The following RYR3 variants were observed in gnomAD, a reference collection of about 807,000 sequenced individuals.
The protein encoded by RYR3 is ryanodine receptor 3.
In RYR3, 207 loss-of-function variants were observed where a neutral mutation model predicts 584.3. The observed-to-expected ratio is 0.35, with a 90% CI of 0.32 to 0.40. The LOEUF (loss-of-function observed/expected upper bound fraction) is 0.40, where lower values mean the gene tolerates loss of function less well. Among genes scored for constraint, RYR3 ranks in the 10% least tolerant of loss-of-function variants. RYR3 has a pLI of 1.00. For missense variants in RYR3, 5,616 were observed against 6,089.2 expected (o/e 0.92, Z 2.59); for synonymous variants, 2,416 against 2,248.5 (o/e 1.07, Z -2.11).
chr15:33,780,290 C>T lies in RYR3; in HGVS notation c.9217C>T (p.Arg3073Cys), dbSNP rs368231214. Residue 3073 changes from arginine to cysteine, a missense_variant, in exon 65 of 104, where the codon CGC becomes TGC. Transcript: ENST00000634891. ...PVAFLEPTLN[R>C]YNPLSVFNTK... ...GGCATTCCTGGAGCCCACCCTTAATCGCTACAATCCACTCTCGGTCTTCAA... is the reference window on the plus strand; with the variant it reads ...GGCATTCCTGGAGCCCACCCTTAATTGCTACAATCCACTCTCGGTCTTCAA... 58 of 1,613,792 alleles carry T rather than the reference C, an allele frequency of 3.6e-5. No homozygotes were observed. The highest frequency in any genetic ancestry group is 3.3e-4 in the Middle Eastern group (2 of 6,084).
At chr15:33,485,999 G>C (rs16971602) in intron 2 of RYR3, among the ~76,000 whole-genome samples, 1 of 151,868 alleles carries the variant, frequency 6.6e-6, no homozygotes, top group Non-Finnish European at 1.5e-5. Flanking sequence ...TACATGGTTA[G>C]ACAGTGGCCT....
rs201221837 is a variant in RYR3 at position 33,857,870 on chromosome 15, G to T, written c.14098G>T (p.Glu4700Ter). The change falls in exon 99 of 104, where the codon GAA becomes TAA. Residue 4700 changes from glutamate (E) to a stop codon, truncating the protein, a stop_gained. Coordinates refer to ENST00000634891, the MANE Select transcript of RYR3 (RefSeq NM_001036.6). LOFTEE classifies it high-confidence loss of function. Reference sequence around the variant, plus strand: ...CTTCCGCAAGTTCTACAACAAAAGCGAAGACGATGACGAGCCCGATATGAA... The same window carrying T: ...CTTCCGCAAGTTCTACAACAAAAGCTAAGACGATGACGAGCCCGATATGAA... ...NFFRKFYNKSEDDDEPDMKCD... is the reference protein window; with the variant it reads ...NFFRKFYNKS The T allele has an allele frequency of 6.2e-7, 1 of 1,614,202 alleles. No homozygotes were observed. Among genetic ancestry groups the T allele is most frequent in the Non-Finnish European group, 8.5e-7 (1 of 1,180,032 alleles).
chr15:33,570,063 G>A (rs1247174700), intron 12 of RYR3, among the ~76,000 whole-genome samples: 1 of 151,834 alleles, frequency 6.6e-6, no homozygotes, highest in Non-Finnish European at 1.5e-5. Context: ...GTCTTTTGAA[G>A]CACAAACGTT....
At chr15:33,483,331 T>C (rs2050140967) in intron 2 of RYR3, among the ~76,000 whole-genome samples, 1 of 152,224 alleles carries the variant, frequency 6.6e-6, no homozygotes, top group Non-Finnish European at 1.5e-5. Flanking sequence ...CTCTTGGTTA[T>C]AAGTCACATT....
rs771772947 is a variant in RYR3, at chr15:33,662,213, G to T, written c.4683G>T (p.Thr1561=). The T allele has an allele frequency of 3.7e-6, 6 of 1,608,100 alleles. No individual in the cohort carries two copies. The highest frequency in any genetic ancestry group is 5.1e-6 in the Non-Finnish European group (6 of 1,177,856). Residue 1561 remains threonine, a synonymous_variant, in exon 35 of 104, where the codon ACG becomes ACT. Transcript: ENST00000634891. ...QEDLMRFHYH[T]LRLYSAVCAL... ...ACCTGATGCGGTTCCATTACCACAC[G>T]CTGAGGCTCTACAGCGCGGTGTGCG... is the stretch of plus-strand genomic sequence containing the variant.
rs1181162494 is a variant in RYR3 at position 33,412,827 on chromosome 15, T to G, written c.52-60592T>G. 6.6e-6 allele frequency among the ~76,000 whole-genome samples: 1 copy of G among 152,176 alleles called. No homozygotes were observed. The highest frequency in any genetic ancestry group is 2.4e-5 in the African/African-American group (1 of 41,438). On this transcript the variant is annotated intron_variant, in intron 1 of 103. Coordinates refer to ENST00000634891, the MANE Select transcript of RYR3 (RefSeq NM_001036.6). The surrounding 1 kb of genome is among the most constrained non-coding windows in gnomAD (Gnocchi z 4.3). ...CTTGTTAAATGGAGAAAACCAAGTT[T>G]GTATGCATTTGTGTCATGCAAAGGA...
At chr15:33,458,762 A>C (rs1166391902) in intron 1 of RYR3, among the ~76,000 whole-genome samples, 1 of 152,204 alleles carries the variant, frequency 6.6e-6, no homozygotes, top group African/African-American at 2.4e-5. Flanking sequence ...AGAAAAAAGA[A>C]ACCAGGCTCT....
Position 33,586,076 on chromosome 15 carries a change from C to T in RYR3, c.1748C>T (p.Ser583Leu), listed in dbSNP as rs766442679. The change falls in exon 16 of 104, where the codon TCG becomes TTG. Residue 583 changes from serine (S) to leucine (L), a missense_variant. By Grantham distance (145) the Ser-to-Leu change is moderately radical. This residue lies in a region of RYR3 where 1,284 missense variants were observed against 1,344.6 expected (regional missense o/e 0.95). Coordinates refer to ENST00000634891, the MANE Select transcript of RYR3 (RefSeq NM_001036.6). ...LNLIAEGHIK[S>L]IISLLDKHGR... is the part of the protein sequence containing the mutation. Reference sequence around the variant, plus strand: ...CTGATAGCGGAGGGCCACATCAAGTCGATCATCTCCCTGTTGGATAAGCAC... The same window carrying T: ...CTGATAGCGGAGGGCCACATCAAGTTGATCATCTCCCTGTTGGATAAGCAC... 18 of 1,613,056 alleles carry T rather than the reference C, an allele frequency of 1.1e-5. No individual in the cohort carries two copies. The highest frequency in any genetic ancestry group is 5.0e-5 in the Admixed American group (3 of 59,990).
chr15:33,578,696 G>A (rs999604192), intron 12 of RYR3, among the ~76,000 whole-genome samples: 5 of 151,472 alleles, frequency 3.3e-5, no homozygotes, highest in African/African-American at 4.9e-5. Flanking sequence ...GTTAGGTGCA[G>A]CAAACCACCG....
rs1199333159 is a variant in RYR3 at position 33,680,100 on chromosome 15, G to GT, written c.5860+9547dup. 6.6e-5 allele frequency among the ~76,000 whole-genome samples: 10 copies of GT among 152,230 alleles called. 1 individual carries two copies. The highest frequency in any genetic ancestry group is 2.4e-4 in the African/African-American group (10 of 41,538). On this transcript the variant is annotated intron_variant, in intron 38 of 103. Transcript: ENST00000634891. ...ACTTCCTTAACCTCTGTATATTTCAGTTTCTCTATATGAAAAATGAGAATA... is the reference window on the plus strand; with the variant it reads ...ACTTCCTTAACCTCTGTATATTTCAGTTTTCTCTATATGAAAAATGAGAATA...
At chr15:33,578,484 A>T (rs1001438889) in intron 12 of RYR3, among the ~76,000 whole-genome samples, 1 of 152,180 alleles carries the variant, frequency 6.6e-6, no homozygotes, top group African/African-American at 2.4e-5. Context: ...GGAAGCGATT[A>T]TCCTCAGCAA....
intron 3 of RYR3, among the ~76,000 whole-genome samples, chr15:33,527,695 G>C (rs754907584): frequency 9.8e-5 from 15 of 152,302 alleles, no homozygotes; most frequent in Middle Eastern, 3.4e-3. Flanking sequence ...AGAGGCCACA[G>C]TGAGGACTTT....
intron 2 of RYR3, among the ~76,000 whole-genome samples, chr15:33,491,414 A>AAGT (rs1328800943): frequency 6.6e-6 from 1 of 152,258 alleles, no homozygotes; most frequent in African/African-American, 2.4e-5. Flanking sequence ...ACAGGAAAGC[A>AAGT]AGTGGCTAAT....
At chr15:33,455,761 A>AG (rs1555482991) in intron 1 of RYR3, among the ~76,000 whole-genome samples, 1 of 152,184 alleles carries the variant, frequency 6.6e-6, no homozygotes, top group African/African-American at 2.4e-5. Context: ...GGAAGAAAAA[A>AG]GTATTAGATA....
intron 8 of RYR3, among the ~76,000 whole-genome samples, chr15:33,544,006 A>T (rs944904117): frequency 3.3e-5 from 5 of 152,136 alleles, no homozygotes; most frequent in Non-Finnish European, 4.4e-5. Flanking sequence ...TCAAAGACAG[A>T]TCATCTCTAT....
Position 33,646,432 on chromosome 15 carries a change from G to A in RYR3, c.3847G>A (p.Ala1283Thr), listed in dbSNP as rs2062106875. 1.2e-6 allele frequency: 2 copies of A among 1,613,962 alleles called. No individual in the cohort carries two copies. Among genetic ancestry groups the A allele is most frequent in the Non-Finnish European group, 1.7e-6 (2 of 1,179,868 alleles). Residue 1283 changes from alanine (A) to threonine (T), a missense_variant, in exon 29 of 104, where the codon GCC (alanine) becomes ACC (threonine). By Grantham distance (58) the Ala-to-Thr change is moderately conservative (BLOSUM62 0). Transcript: ENST00000634891. ...GACATTTGGCACACAGAATAGCAAT[G>A]CCGACATGATCTATTGCCGCTTGAG... ...HKTFGTQNSN[A>T]DMIYCRLSMP...
At chr15:33,620,798 G>T (rs1286088836) in intron 19 of RYR3, among the ~76,000 whole-genome samples, 1 of 152,208 alleles carries the variant, frequency 6.6e-6, no homozygotes, top group Non-Finnish European at 1.5e-5. Flanking sequence ...AGGAGCCACA[G>T]GTGGTGGGTG....
chr15:33,853,494 A>G, intron 95 of RYR3, 61 bp from the exon 96 acceptor site: 2 of 1,585,122 alleles, frequency 1.3e-6, no homozygotes, highest in Non-Finnish European at 8.6e-7. Flanking sequence ...AAGACCCCAG[A>G]GCTAGAAAAT....
intron 36 of RYR3, among the ~76,000 whole-genome samples, chr15:33,667,593 A>G (rs972791603): frequency 2.0e-5 from 3 of 152,200 alleles, no homozygotes; most frequent in African/African-American, 7.2e-5. Flanking sequence ...TAATAAGTAC[A>G]TACGTTACTA....
Sources: gnomAD v4.1 joint callset for allele counts (sites outside exome capture counted in the v4.1 genomes callset) on GRCh38, gnomAD v4.1.1 for gene constraint, gnomAD v4.1.1 regional missense constraint, Gnocchi (gnomAD v3.1) non-coding constraint, MANE v1.5 for transcripts, NCBI Gene and HGNC (gene_info 2026-07-23, HGNC 2026-07-21) for gene names.